Variants in HAGH observed in about 807,000 individuals in gnomAD.
HAGH encodes hydroxyacylglutathione hydrolase, mitochondrial.
HAGH carries 29 observed loss-of-function variants against 35.1 expected under a neutral mutation model. That is an observed-to-expected ratio of 0.83 (90% CI 0.62 to 1.13). HAGH has a LOEUF of 1.13. HAGH is among the 50% of genes most tolerant of loss of function. The pLI is 0.00. For synonymous variants in HAGH, 225 were observed against 176.1 expected, an observed-to-expected ratio of 1.28 and a Z score of -2.20; for missense variants, 478 against 419.6, an observed-to-expected ratio of 1.14 and a Z score of -1.22.
intron 1 of HAGH, among the ~76,000 whole-genome samples, chr16:1,824,008 C>T (rs1898279255): frequency 6.6e-6 from 1 of 152,108 alleles, no homozygotes; most frequent in Non-Finnish European, 1.5e-5. Context: ...CCCCGCCTGG[C>T]CATCTGCCCT....
chr16:1,812,836 T>A, intron 7 of HAGH, among the ~76,000 whole-genome samples: 1 of 152,346 alleles, frequency 6.6e-6, no homozygotes, highest in East Asian at 1.9e-4. Flanking sequence ...CACCAGGGAC[T>A]GGGCTCCAGC....
rs1897470264 is a variant in HAGH, at chr16:1,807,638, G to A, written c.*1645C>T. On this transcript the variant is annotated 3_prime_UTR_variant, in exon 9 of 9. Coordinates refer to ENST00000397356, the MANE Select transcript of HAGH (RefSeq NM_005326.6). ...ACAAATGAGCACAGTGTTTGTTATA[G>A]AATGGAAACATTTAAGATTCTGGCC... 1 of 152,208 alleles carries A rather than the reference G, an allele frequency of 6.6e-6. No homozygotes were observed. Among genetic ancestry groups the A allele is most frequent in the African/African-American group, 2.4e-5 (1 of 41,448 alleles). 9.4% of individuals were successfully genotyped at this position (152,208 alleles called of 1,614,324 possible).
At chr16:1,815,244 G>A (rs1238255631) in intron 7 of HAGH, among the ~76,000 whole-genome samples, 1 of 152,148 alleles carries the variant, frequency 6.6e-6, no homozygotes, top group African/African-American at 2.4e-5. Context: ...CTCAAGCATT[G>A]GTGGGGGACT....
intron 1 of HAGH, among the ~76,000 whole-genome samples, chr16:1,823,242 G>C (rs985877654): frequency 6.6e-6 from 1 of 151,984 alleles, no homozygotes; most frequent in Non-Finnish European, 1.5e-5. Context: ...GACCAGCCTG[G>C]GCAACATAGC....
rs376337766 is a variant in HAGH at position 1,808,138 on chromosome 16, C to G, written c.*1145G>C. ...TTAATTAATTTCTTTGAGACAGGGT[C>G]TCCCTGTTCCCCAAGCCAGAATGCA... On this transcript the variant is annotated 3_prime_UTR_variant, in exon 9 of 9. Transcript: ENST00000397356. 6.6e-6 allele frequency: 1 copy of G among 152,208 alleles called. No individual in the cohort carries two copies. The highest frequency in any genetic ancestry group is 2.4e-5 in the African/African-American group (1 of 41,438). 9.4% of individuals were successfully genotyped at this position (152,208 alleles called of 1,614,324 possible). A position where few individuals can be genotyped will look rare whatever the true frequency, so the allele number is the denominator to read the frequency against.
chr16:1,821,988 T>A, intron 3 of HAGH: 1 of 288,838 alleles, frequency 3.5e-6, no homozygotes. Context: ...ACCTGTAGAC[T>A]CATTTCCTCC....
chr16:1,817,421 C>G (rs368922133), intron 5 of HAGH, 150 bp from the exon 6 acceptor site: 58 of 648,052 alleles, frequency 8.9e-5, no homozygotes, highest in South Asian at 4.1e-4. Context: ...ACTCAGCCCC[C>G]CTGCATTCCG....
chr16:1,812,085 G>A (rs548224412), intron 7 of HAGH, among the ~76,000 whole-genome samples: 1 of 151,900 alleles, frequency 6.6e-6, no homozygotes, highest in African/African-American at 2.4e-5. Flanking sequence ...CCAGGTACGG[G>A]AGACTGAGGC....
chr16:1,817,158 C>A lies in HAGH; in HGVS notation c.645+10G>T. On this transcript the variant is annotated intron_variant, in intron 6 of 8. Transcript: ENST00000397356. ...CCCCACACCCCGGCCCGCAGGGAGG[C>A]GCTGCCTACTGTGTCCGGGGGGAGC... is the stretch of plus-strand genomic sequence containing the variant. 1 of 1,570,426 alleles carries A rather than the reference C, an allele frequency of 6.4e-7. No homozygotes were observed. Among genetic ancestry groups the A allele is most frequent in the Middle Eastern group, 1.7e-4 (1 of 5,978 alleles).
In HAGH at chr16:1,812,515, A is replaced by AAAAC. The variant is rs774271944; in HGVS notation, c.748-2683_748-2682insGTTT. The AAAAC allele has an allele frequency of 6.6e-4, 17 of 25,648 alleles. No individual in the cohort carries two copies. In the South Asian group the frequency reaches 0.02, roughly 30 times the overall value. 1.6% of individuals were successfully genotyped at this position (25,648 alleles called of 1,614,324 possible). ...GCGAAACGCTGTCTCAAAAAAAAAA[A>AAAAC]AAAACAAAAAAAAAACACACAAATT... On this transcript the variant is annotated intron_variant, in intron 7 of 8. Coordinates refer to ENST00000397356, the MANE Select transcript of HAGH (RefSeq NM_005326.6).
At position 1,817,255 on chromosome 16, in the gene HAGH, C is replaced by T. The variant is rs1418760280; in HGVS notation, c.558G>A (p.Val186=). ...CTTCATAGAACTTCCCGCAGCCAGC[C>T]ACAAACAAGGTGTCACCTGGAAACA... ...PAVFTGDTLF[V]AGCGKFYEGT... is the part of the protein sequence containing the mutation. Residue 186 remains valine, a synonymous_variant, in exon 6 of 9, where the codon GTG becomes GTA. Coordinates refer to ENST00000397356, the MANE Select transcript of HAGH (RefSeq NM_005326.6). The T allele has an allele frequency of 6.2e-7, 1 of 1,612,044 alleles. No individual in the cohort carries two copies. Among genetic ancestry groups the T allele is most frequent in the Non-Finnish European group, 8.5e-7 (1 of 1,178,234 alleles).
chr16:1,809,301 G>C lies in HAGH; in HGVS notation c.909C>G (p.Phe303Leu). ...GGCGGCCTCAGTCCCGGGGCATCTTGAACTGGTCCTTCTCCCTGCGCACGG... is the reference window on the plus strand; with the variant it reads ...GGCGGCCTCAGTCCCGGGGCATCTTCAACTGGTCCTTCTCCCTGCGCACGG... Reference protein sequence around the residue: ...MRAVRREKDQFKMPRD With the variant: ...MRAVRREKDQLKMPRD The change falls in exon 9 of 9, where the codon TTC (phenylalanine) becomes TTG (leucine). Residue 303 changes from phenylalanine (F) to leucine (L), a missense_variant. By Grantham distance (22) the Phe-to-Leu change is conservative. Coordinates refer to ENST00000397356, the MANE Select transcript of HAGH (RefSeq NM_005326.6). 1 of 1,612,354 alleles carries C rather than the reference G, an allele frequency of 6.2e-7. No individual in the cohort carries two copies. Among genetic ancestry groups the C allele is most frequent in the Non-Finnish European group, 8.5e-7 (1 of 1,178,740 alleles).
At chr16:1,810,591 G>C (rs1374159841) in intron 7 of HAGH, 1 of 152,966 alleles carries the variant, frequency 6.5e-6, no homozygotes, top group Non-Finnish European at 1.5e-5. Context: ...GGGGGGAGGA[G>C]AATGCAAACC....
rs72547234 is a variant in HAGH at position 1,808,843 on chromosome 16, C to G, written c.*440G>C. The G allele has an allele frequency of 1.8e-3, 284 of 157,762 alleles. 2 individuals are homozygous for G. Among genetic ancestry groups the G allele is most frequent in the African/African-American group, 6.4e-3 (269 of 41,790 alleles). The allele number at this position is 157,762 out of a possible 1,614,324, so 9.8% of individuals were successfully genotyped here. ...CCTGGAGGTCGCGCGATCTGGCCGC[C>G]TCCAGGAAGAAGACGCGGCCACCTC... On this transcript the variant is annotated 3_prime_UTR_variant, in exon 9 of 9. Transcript: ENST00000397356.
At chr16:1,826,450 C>T in intron 1 of HAGH, 1 of 615,552 alleles carries the variant, frequency 1.6e-6, no homozygotes, top group Non-Finnish European at 2.0e-6. Context: ...GTCAGGGGCG[C>T]GGCCGGCCCA....
chr16:1,812,339 A>G (rs1897686824), intron 7 of HAGH: 1 of 151,378 alleles, frequency 6.6e-6, no homozygotes, highest in Non-Finnish European at 1.5e-5. Context: ...CCCCATCTCT[A>G]CTAAAAATAT....
chr16:1,823,298 C>T (rs995366050), intron 1 of HAGH, among the ~76,000 whole-genome samples: 8 of 149,776 alleles, frequency 5.3e-5, no homozygotes, highest in East Asian at 2.0e-4. Context: ...GACGGAGTCT[C>T]GCTCTGTCGC....
chr16:1,824,004 C>G (rs972845681), intron 1 of HAGH, among the ~76,000 whole-genome samples: 8 of 152,170 alleles, frequency 5.3e-5, no homozygotes, highest in Non-Finnish European at 1.0e-4. Flanking sequence ...GTGCCCCCGC[C>G]TGGCCATCTG....
intron 6 of HAGH, 32 bp downstream of exon 6, chr16:1,817,136 C>A (rs577783732): frequency 5.4e-6 from 8 of 1,494,390 alleles, no homozygotes; most frequent in East Asian, 2.3e-5. Flanking sequence ...TAAGGCCCCC[C>A]ACACCCCGGC....
Sources: allele counts gnomAD v4.1 joint callset (sites outside exome capture counted in the v4.1 genomes callset), GRCh38; gene constraint gnomAD v4.1.1; transcripts MANE v1.5; gene names NCBI Gene and HGNC (gene_info 2026-07-23, HGNC 2026-07-21).